The following ASAP2 variants were observed in gnomAD, a reference collection of about 807,000 sequenced individuals.
The protein encoded by ASAP2 is ArfGAP with SH3 domain, ankyrin repeat and PH domain 2, also known as arf-GAP with SH3 domain, ANK repeat and PH domain-containing protein 2.
A neutral mutation model predicts 131.4 loss-of-function variants in ASAP2; 45 were observed. The ratio of observed to expected loss-of-function variants is 0.34; its 90% confidence interval spans 0.27 to 0.44. The LOEUF (loss-of-function observed/expected upper bound fraction) is 0.44, where lower values mean the gene tolerates loss of function less well. ASAP2 is among the 20% of genes least tolerant of loss of function. The pLI is 1.00. For missense variants in ASAP2, 1,011 were observed against 1,297.0 expected (o/e 0.78, Z 3.39); for synonymous variants, 510 against 503.0 (o/e 1.01, Z -0.19).
chr2:9,241,853 A>C (rs148342922), intron 1 of ASAP2, among the ~76,000 whole-genome samples: 1 of 152,332 alleles, frequency 6.6e-6, no homozygotes, highest in Non-Finnish European at 1.5e-5. Flanking sequence ...ATAAGTGAGA[A>C]GAGAACTCAG....
intron 15 of ASAP2, among the ~76,000 whole-genome samples, chr2:9,360,455 A>G (rs1284704748): frequency 6.6e-6 from 1 of 152,180 alleles, no homozygotes; most frequent in Non-Finnish European, 1.5e-5. Flanking sequence ...TGGGACACAA[A>G]TTGGCATTTT....
intron 18 of ASAP2, among the ~76,000 whole-genome samples, chr2:9,377,504 A>T (rs190003461): frequency 6.6e-6 from 1 of 152,334 alleles, no homozygotes; most frequent in East Asian, 1.9e-4. Context: ...AGAGATGTGC[A>T]CAGGCAGTTT....
At chr2:9,289,775 C>T (rs191324578) in intron 2 of ASAP2, among the ~76,000 whole-genome samples, 19 of 152,260 alleles carry the variant, frequency 1.2e-4, no homozygotes, top group African/African-American at 3.1e-4. Context: ...ATTTTAATAG[C>T]GCACACCTTG....
intron 7 of ASAP2, among the ~76,000 whole-genome samples, chr2:9,331,867 C>T (rs1301984423): frequency 2.6e-5 from 4 of 152,082 alleles, no homozygotes; most frequent in Non-Finnish European, 5.9e-5. Context: ...CCAGCTGTTG[C>T]TCAGTGAACT....
chr2:9,359,992 C>G (rs1284154440), intron 15 of ASAP2, among the ~76,000 whole-genome samples: 1 of 152,136 alleles, frequency 6.6e-6, no homozygotes, highest in Non-Finnish European at 1.5e-5. Context: ...AATTATTGTT[C>G]ATGTAATAAT....
At chr2:9,272,529 G>A (rs1666471939) in intron 1 of ASAP2, among the ~76,000 whole-genome samples, 1 of 152,106 alleles carries the variant, frequency 6.6e-6, no homozygotes, top group Non-Finnish European at 1.5e-5. Flanking sequence ...TTTGTTGATT[G>A]TTTCCTTTGC....
rs1484267755 is a variant in ASAP2, at chr2:9,268,210, A to G, written c.127-11107A>G. Among the ~76,000 whole-genome samples the G allele has an allele frequency of 1.3e-5, 2 of 152,162 alleles. No individual in the cohort carries two copies. Among genetic ancestry groups the G allele is most frequent in the Admixed American group, 1.3e-4 (2 of 15,282 alleles). ...TGCTGTGTAGCATTCTGTTGTACGA[A>G]TGTCCATCATCAGTTTATTCATTTT... On this transcript the variant is annotated intron_variant, in intron 1 of 27. Coordinates refer to ENST00000281419, the MANE Select transcript of ASAP2 (RefSeq NM_003887.3). This position sits in a 1 kb window ranked among gnomAD's most constrained non-coding sequence, Gnocchi z 4.1.
At chr2:9,256,162 C>CAAA (rs71389235) in intron 1 of ASAP2, among the ~76,000 whole-genome samples, 26 of 86,818 alleles carry the variant, frequency 3.0e-4, no homozygotes, top group South Asian at 1.9e-3. Flanking sequence ...GGGTCCCCTG[C>CAAA]AAAAAAAAAA....
In ASAP2 at chr2:9,389,762, G is replaced by GCCCACAT. The variant is rs1237369162; in HGVS notation, c.2383+1221_2383+1227dup. Among the ~76,000 whole-genome samples the GCCCACAT allele has an allele frequency of 3.3e-5, 5 of 152,164 alleles. No homozygotes were observed. Among genetic ancestry groups the GCCCACAT allele is most frequent in the Admixed American group, 2.6e-4 (4 of 15,272 alleles). The stretch of plus-strand genomic sequence containing the variant: ...GCCAGCTGCTTGCTGTCCCCACACA[G>GCCCACAT]CCCACATCCCAGACCGCGTCCATCC... On this transcript the variant is annotated intron_variant, in intron 22 of 27. Coordinates refer to ENST00000281419, the MANE Select transcript of ASAP2 (RefSeq NM_003887.3). The surrounding 1 kb of genome is among the most constrained non-coding windows in gnomAD (Gnocchi z 4.7).
intron 15 of ASAP2, among the ~76,000 whole-genome samples, chr2:9,362,184 C>T (rs1673141567): frequency 6.6e-6 from 1 of 152,164 alleles, no homozygotes; most frequent in Non-Finnish European, 1.5e-5. Flanking sequence ...CTTTCCAATT[C>T]AGAGTTGCAT....
chr2:9,335,229 G>C (rs1351901108), intron 9 of ASAP2, 50 bp downstream of exon 9: 9 of 1,548,524 alleles, frequency 5.8e-6, no homozygotes, highest in Non-Finnish European at 7.1e-6. Flanking sequence ...CATTCTTGGA[G>C]GCTTTGGGTC....
Position 9,311,737 on chromosome 2 carries a change from G to A in ASAP2, c.346-6787G>A, listed in dbSNP as rs10202390. ...GGCCTGAGGCTGCTGGACACACAGA[G>A]GAAGCCCAGAGCCTGCCCGCCACTC... On this transcript the variant is annotated intron_variant, in intron 3 of 27. Coordinates refer to ENST00000281419, the MANE Select transcript of ASAP2 (RefSeq NM_003887.3). This position sits in a 1 kb window ranked among gnomAD's most constrained non-coding sequence, Gnocchi z 5.2. 0.28 allele frequency among the ~76,000 whole-genome samples: 42,144 copies of A among 152,150 alleles called. 6,393 individuals carry two copies. The highest frequency in any genetic ancestry group is 0.36 in the Non-Finnish European group (24,137 of 67,978).
At chr2:9,282,334 A>G (rs1215646941) in intron 2 of ASAP2, among the ~76,000 whole-genome samples, 3 of 152,246 alleles carry the variant, frequency 2.0e-5, no homozygotes, top group African/African-American at 7.2e-5. Context: ...TTATTTCGGA[A>G]CAAGCGTTGT....
intron 1 of ASAP2, among the ~76,000 whole-genome samples, chr2:9,239,893 A>G (rs773315643): frequency 9.2e-5 from 14 of 151,894 alleles, no homozygotes; most frequent in Admixed American, 3.9e-4. Flanking sequence ...TGCCCCAGTA[A>G]TTTTTTTGTA....
intron 1 of ASAP2, among the ~76,000 whole-genome samples, chr2:9,209,591 C>T (rs925482499): frequency 2.6e-5 from 4 of 152,218 alleles, no homozygotes; most frequent in African/African-American, 7.2e-5. Context: ...TTATTTGTTA[C>T]GGAGTTTTGC....
rs570434378 is a variant in ASAP2, at chr2:9,232,183, T to C, written c.126+24953T>C. ...AACCAGACTCTGGGTCCTTCTCCTT[T>C]GTTGACCTGGCCCCTGCCTCCCTCC... On this transcript the variant is annotated intron_variant, in intron 1 of 27. Transcript: ENST00000281419. This position sits in a 1 kb window ranked among gnomAD's most constrained non-coding sequence, Gnocchi z 4.1. Among the ~76,000 whole-genome samples, 25 of 152,324 alleles carry C rather than the reference T, an allele frequency of 1.6e-4. No homozygotes were observed. The highest frequency in any genetic ancestry group is 5.8e-4 in the African/African-American group (24 of 41,576).
Position 9,374,678 on chromosome 2 carries a change from A to G in ASAP2, c.1557-77A>G, listed in dbSNP as rs1005299027. 6 of 1,383,522 alleles carry G rather than the reference A, an allele frequency of 4.3e-6. No individual in the cohort carries two copies. The African/African-American group carries it at 5.9e-5, about 14-fold the overall frequency. The allele number at this position is 1,383,522 out of a possible 1,614,324, so 85.7% of individuals were successfully genotyped here. On this transcript the variant is annotated intron_variant, in intron 16 of 27. Coordinates refer to ENST00000281419, the MANE Select transcript of ASAP2 (RefSeq NM_003887.3). Reference sequence around the variant, plus strand: ...GGGACATGGCGCAGGAACCGTTAACATGGCCTTAGACAAAGGGAGGCCGGA... The same window carrying G: ...GGGACATGGCGCAGGAACCGTTAACGTGGCCTTAGACAAAGGGAGGCCGGA...
At chr2:9,376,258 G>A (rs537217349) in intron 17 of ASAP2, among the ~76,000 whole-genome samples, 49 of 152,308 alleles carry the variant, frequency 3.2e-4, no homozygotes, top group African/African-American at 9.9e-4. Context: ...CAGGGCAGGC[G>A]GCCTGGGAAG....
At position 9,247,468 on chromosome 2, in the gene ASAP2, G is replaced by A. The variant is rs193086849; in HGVS notation, c.127-31849G>A. On this transcript the variant is annotated intron_variant, in intron 1 of 27. Transcript: ENST00000281419. The stretch of plus-strand genomic sequence containing the variant: ...CCTTATTACCTCATGCGCTGCTTTC[G>A]GTCCATCGTCTAGCTTTTTGATTTG... Among the ~76,000 whole-genome samples, 7 of 152,280 alleles carry A rather than the reference G, an allele frequency of 4.6e-5. No homozygotes were observed. In the East Asian group the frequency reaches 1.3e-3, roughly 29 times the overall value.
Sources: gnomAD v4.1 joint callset for allele counts (sites outside exome capture counted in the v4.1 genomes callset) on GRCh38, gnomAD v4.1.1 for gene constraint, Gnocchi (gnomAD v3.1) non-coding constraint, MANE v1.5 for transcripts, NCBI Gene and HGNC (gene_info 2026-07-23, HGNC 2026-07-21) for gene names.